SLC44A5: variants seen among roughly 807,000 people sequenced by gnomAD.
SLC44A5 encodes the protein choline transporter-like protein 5.
In SLC44A5, 57 loss-of-function variants were observed where a neutral mutation model predicts 101.8. That is an observed-to-expected ratio of 0.56 (90% confidence interval 0.45 to 0.70). The LOEUF (loss-of-function observed/expected upper bound fraction) is 0.70, where lower values mean the gene tolerates loss of function less well. Ranked by LOEUF, SLC44A5 falls within the 30% of genes least tolerant of loss-of-function variation. The probability of loss-of-function intolerance (pLI) is 0.00; values close to 1 mark genes in which losing one functional copy is unlikely to be tolerated. For synonymous variants in SLC44A5, 281 were observed against 290.9 expected (o/e 0.97, Z 0.35); for missense variants, 737 against 853.1 (o/e 0.86, Z 1.70).
intron 2 of SLC44A5, among the ~76,000 whole-genome samples, chr1:75,425,989 T>A (rs985404995): frequency 1.3e-5 from 2 of 152,202 alleles, no homozygotes; most frequent in African/African-American, 4.8e-5. Flanking sequence ...CATCTGGTTT[T>A]ATTTGTCTCT....
At chr1:75,462,543 C>T (rs554624258) in intron 2 of SLC44A5, among the ~76,000 whole-genome samples, 104 of 152,138 alleles carry the variant, frequency 6.8e-4, no homozygotes, top group African/African-American at 2.5e-3. Context: ...AACTAAATAA[C>T]GCATCAGGGA....
chr1:75,655,818 G>GA, the SLC44A5 span, among the ~76,000 whole-genome samples: 6 of 151,932 alleles, frequency 3.9e-5, no homozygotes, highest in Non-Finnish European at 8.8e-5. Context: ...AAGAGAGGTA[G>GA]AAAAAAATAT....
At chr1:75,369,367 A>ATAGT (rs1275953900) in intron 3 of SLC44A5, among the ~76,000 whole-genome samples, 2 of 152,092 alleles carry the variant, frequency 1.3e-5, no homozygotes, top group Non-Finnish European at 2.9e-5. Context: ...TCTACTCCAT[A>ATAGT]TAGTATCAGA....
intron 12 of SLC44A5, among the ~76,000 whole-genome samples, chr1:75,231,460 G>A (rs550899446): frequency 5.3e-5 from 8 of 152,238 alleles, no homozygotes; most frequent in Middle Eastern, 6.8e-3. Flanking sequence ...TAGTGAATGT[G>A]AAAGTCTAGA....
intron 5 of SLC44A5, among the ~76,000 whole-genome samples, chr1:75,278,550 T>G (rs887642956): frequency 6.6e-6 from 1 of 152,120 alleles, no homozygotes; most frequent in Admixed American, 6.6e-5. Flanking sequence ...ATAATTTCCT[T>G]TAAAAAGGCA....
At position 75,324,291 on chromosome 1, in the gene SLC44A5, A is replaced by G. The variant is rs116863008; in HGVS notation, c.101+15291T>C. ...GATCTTCAAAGCAAAGTGAAGAAAAATGCTCATGCTCTGGGTAAGGATGGT... is the reference window on the plus strand; with the variant it reads ...GATCTTCAAAGCAAAGTGAAGAAAAGTGCTCATGCTCTGGGTAAGGATGGT... On this transcript the variant is annotated intron_variant, in intron 4 of 23. Transcript: ENST00000370859. 2.1e-4 allele frequency among the ~76,000 whole-genome samples: 32 copies of G among 152,302 alleles called. No individual in the cohort carries two copies. In the East Asian group the frequency reaches 6.2e-3, roughly 29 times the overall value.
rs1553150404 is a variant in SLC44A5 at position 75,258,396 on chromosome 1, T to TACAAAGCCGTTGGGA, written c.261-7103_261-7102insTCCCAACGGCTTTGT. On this transcript the variant is annotated intron_variant, in intron 6 of 23. Transcript: ENST00000370859. ...TTGCTGTGGCTTGAGTAGGTGGTTT[T>TACAAAGCCGTTGGGA]ACAAAGTCGTTGGGAAGTTGGAACT... Among the ~76,000 whole-genome samples the TACAAAGCCGTTGGGA allele has an allele frequency of 9.9e-5, 15 of 151,266 alleles. No homozygotes were observed. In the East Asian group the frequency reaches 2.6e-3, roughly 26 times the overall value.
chr1:75,570,073 A>G (rs1158988469), intron 1 of SLC44A5, among the ~76,000 whole-genome samples: 1 of 152,204 alleles, frequency 6.6e-6, no homozygotes, highest in Non-Finnish European at 1.5e-5. Flanking sequence ...ACCAATTCCT[A>G]CTAGTCATTT....
the SLC44A5 span, chr1:75,642,058 T>C: frequency 2.2e-6 from 3 of 1,337,034 alleles, no homozygotes; most frequent in Non-Finnish European, 3.2e-6. Context: ...TGTCTTCTGG[T>C]CCAATGAAGA....
chr1:75,241,073 TTAAA>T (rs1417000661), intron 9 of SLC44A5, among the ~76,000 whole-genome samples: 1 of 48,352 alleles, frequency 2.1e-5, no homozygotes, highest in Admixed American at 2.6e-4. Flanking sequence ...ACATTATAAT[TTAAA>T]TATTCTCGGT....
At chr1:75,651,089 T>G in the SLC44A5 span, among the ~76,000 whole-genome samples, 39 of 152,288 alleles carry the variant, frequency 2.6e-4, no homozygotes, top group South Asian at 1.2e-3. Context: ...GCTTAACTGC[T>G]CTAAGTAAAT....
chr1:75,302,128 T>TTTTTTTTTTTG, intron 4 of SLC44A5, among the ~76,000 whole-genome samples: 1 of 141,884 alleles, frequency 7.0e-6, no homozygotes, highest in Non-Finnish European at 1.5e-5. Context: ...TTTTTTTTTT[T>TTTTTTTTTTTG]TTTTTTTTGG....
chr1:75,420,323 T>A (rs940439546), intron 2 of SLC44A5, among the ~76,000 whole-genome samples: 1 of 152,064 alleles, frequency 6.6e-6, no homozygotes, highest in African/African-American at 2.4e-5. Flanking sequence ...AAAGTATAGC[T>A]ATTAAATTAT....
chr1:75,440,911 T>C (rs1214512082), intron 2 of SLC44A5, among the ~76,000 whole-genome samples: 1 of 151,304 alleles, frequency 6.6e-6, no homozygotes, highest in Non-Finnish European at 1.5e-5. Context: ...TATTGGGAGG[T>C]TATAATACAA....
At chr1:75,278,276 C>T (rs663620) in intron 5 of SLC44A5, among the ~76,000 whole-genome samples, 126,412 of 152,010 alleles carry the variant, frequency 0.83, 52,852 homozygotes, top group East Asian at 0.97. Flanking sequence ...ACCTGTTTCC[C>T]TTTATGCTCT....
intron 1 of SLC44A5, among the ~76,000 whole-genome samples, chr1:75,604,649 T>C (rs1280776997): frequency 2.0e-5 from 3 of 152,106 alleles, no homozygotes; most frequent in Admixed American, 6.6e-5. Flanking sequence ...TCCATGATCA[T>C]GGAATGTTTT....
At chr1:75,609,402 G>A (rs562768523) in intron 1 of SLC44A5, among the ~76,000 whole-genome samples, 2 of 152,076 alleles carry the variant, frequency 1.3e-5, no homozygotes, top group South Asian at 4.1e-4. Context: ...GCTAAATCAA[G>A]CTATTTAACA....
intron 1 of SLC44A5, among the ~76,000 whole-genome samples, chr1:75,608,263 G>C (rs947969151): frequency 5.3e-5 from 8 of 151,722 alleles, no homozygotes; most frequent in African/African-American, 1.9e-4. Flanking sequence ...TATTTTTCCA[G>C]AGAAAAAGAT....
At chr1:75,388,622 T>C (rs1318310342) in intron 3 of SLC44A5, among the ~76,000 whole-genome samples, 12 of 151,732 alleles carry the variant, frequency 7.9e-5, no homozygotes, top group South Asian at 2.1e-4. Context: ...CTACTAATAA[T>C]ACAAAAATTA....
Sources: allele counts gnomAD v4.1 joint callset (sites outside exome capture counted in the v4.1 genomes callset), GRCh38; gene constraint gnomAD v4.1.1; transcripts MANE v1.5; gene names NCBI Gene and HGNC (gene_info 2026-07-23, HGNC 2026-07-21).